Variants in OPRM1 observed in about 807,000 individuals in gnomAD.
OPRM1 encodes the protein opioid receptor mu 1, also known as mu-type opioid receptor.
In OPRM1, 27 loss-of-function variants were observed where a neutral mutation model predicts 31.8. The observed-to-expected ratio is 0.85, with a 90% CI of 0.63 to 1.17. The LOEUF (loss-of-function observed/expected upper bound fraction) is 1.17. Ranked by LOEUF, OPRM1 falls within the 50% of genes most tolerant of loss-of-function variation. The probability of loss-of-function intolerance (pLI) is 0.00; values close to 1 mark genes in which losing one functional copy is unlikely to be tolerated. For synonymous variants in OPRM1, 196 were observed against 189.9 expected, an observed-to-expected ratio of 1.03 and a Z score of -0.26; for missense variants, 536 against 511.1, an observed-to-expected ratio of 1.05 and a Z score of -0.47.
chr6:154,162,651 T>G (rs180769365), intron 3 of OPRM1, among the ~76,000 whole-genome samples: 99 of 152,314 alleles, frequency 6.5e-4, no homozygotes, highest in African/African-American at 2.2e-3. Flanking sequence ...TCACGCCACC[T>G]CTTCTCACTG....
rs374739553 is a variant in OPRM1 at position 154,110,886 on chromosome 6, CAAAAAAA to C, written c.1165-7780_1165-7774del. ...TGGGCGACAAAGCGAGACTCCGTCT[CAAAAAAA>C]AAAAAAAAAAAAAAAAGAGAGAATT... On this transcript the variant is annotated intron_variant, in intron 3 of 3. Coordinates refer to ENST00000330432, the MANE Select transcript of OPRM1 (RefSeq NM_000914.5). Among the ~76,000 whole-genome samples the C allele has an allele frequency of 2.0e-4, 13 of 63,606 alleles. No individual in the cohort carries two copies. The East Asian group carries it at 4.3e-3, about 21-fold the overall frequency. The allele number at this position is 63,606 out of a possible 152,430, so 41.7% of individuals were successfully genotyped here. A position where few individuals can be genotyped will look rare whatever the true frequency, so the allele number is the denominator to read the frequency against.
At chr6:154,011,629 A>G (rs995132060) in intron 1 of OPRM1, among the ~76,000 whole-genome samples, 2 of 152,174 alleles carry the variant, frequency 1.3e-5, no homozygotes, top group African/African-American at 4.8e-5. Context: ...AAAAGTAAAA[A>G]TTATTCCGAC....
At position 154,122,664 on chromosome 6, in the gene OPRM1, A is replaced by T. The variant is rs1374846610; in HGVS notation, c.*3943A>T. Among the ~76,000 whole-genome samples, 1 of 152,240 alleles carries T rather than the reference A, an allele frequency of 6.6e-6. No individual in the cohort carries two copies. On this transcript the variant is annotated 3_prime_UTR_variant, in exon 4 of 4. Coordinates refer to ENST00000330432, the MANE Select transcript of OPRM1 (RefSeq NM_000914.5). ...TTGTGTACATTACAAACTGCTCCAG[A>T]AACAAAACCAAATGTGGATAGCTTT... is the stretch of plus-strand genomic sequence containing the variant.
intron 3 of OPRM1, among the ~76,000 whole-genome samples, chr6:154,169,284 C>T (rs545841394): frequency 1.5e-4 from 23 of 152,258 alleles, no homozygotes; most frequent in African/African-American, 5.1e-4. Flanking sequence ...TCACTTGAGC[C>T]TGGGAGGTGG....
At chr6:154,214,470 T>G (rs544174465) in intron 3 of OPRM1, among the ~76,000 whole-genome samples, 12 of 152,210 alleles carry the variant, frequency 7.9e-5, no homozygotes, top group Non-Finnish European at 1.6e-4. Flanking sequence ...AAGGTATCTT[T>G]TGTAAGGTAA....
chr6:154,096,609 A>G (rs548687713), intron 3 of OPRM1, among the ~76,000 whole-genome samples: 5 of 152,194 alleles, frequency 3.3e-5, no homozygotes, highest in African/African-American at 4.8e-5. Flanking sequence ...CAGATTCAAA[A>G]GTGCTTTTAT....
At position 154,118,830 on chromosome 6, in the gene OPRM1, T is replaced by A; in HGVS notation, c.*109T>A. 1 of 1,537,384 alleles carries A rather than the reference T, an allele frequency of 6.5e-7. No individual in the cohort carries two copies. The highest frequency in any genetic ancestry group is 1.3e-5 in the South Asian group (1 of 79,858). The stretch of plus-strand genomic sequence containing the variant: ...GGCTCTAATTCTCTAGGAAAGTGCC[T>A]GCTTTTAGGTCATCCAACCTCTTTC... On this transcript the variant is annotated 3_prime_UTR_variant, in exon 4 of 4. Transcript: ENST00000330432.
chr6:154,031,329 G>A (rs1331629673), intron 1 of OPRM1, among the ~76,000 whole-genome samples: 1 of 151,736 alleles, frequency 6.6e-6, no homozygotes, highest in Non-Finnish European at 1.5e-5. Context: ...AAACCATGGA[G>A]TCTACACTAC....
intron 3 of OPRM1, among the ~76,000 whole-genome samples, chr6:154,150,547 A>G (rs9383692): frequency 0.54 from 82,003 of 152,104 alleles, 22,389 homozygotes; most frequent in Middle Eastern, 0.61. Context: ...TCCCTGCCTC[A>G]TGGGAACCCT....
At chr6:154,197,723 G>A (rs1776726686) in intron 3 of OPRM1, among the ~76,000 whole-genome samples, 1 of 152,164 alleles carries the variant, frequency 6.6e-6, no homozygotes, top group Non-Finnish European at 1.5e-5. Context: ...CTCTGGCTAT[G>A]GTCCTAAAAG....
At chr6:154,154,574 C>A (rs1409014850) in intron 3 of OPRM1, 1 of 152,170 alleles carries the variant, frequency 6.6e-6, no homozygotes, top group Non-Finnish European at 1.5e-5. Flanking sequence ...CCAGAGGGCA[C>A]TGTAACCTTG....
chr6:154,154,196 C>G (rs938361307), intron 3 of OPRM1, among the ~76,000 whole-genome samples: 2 of 152,166 alleles, frequency 1.3e-5, no homozygotes, highest in African/African-American at 2.4e-5. Context: ...TCCCTCTGAT[C>G]AGTGGATCCA....
chr6:154,232,502 T>C (rs1779801808), intron 3 of OPRM1, among the ~76,000 whole-genome samples: 1 of 152,140 alleles, frequency 6.6e-6, no homozygotes, highest in South Asian at 2.1e-4. Flanking sequence ...TATTATACCA[T>C]GGGAACCATC....
Position 154,090,117 on chromosome 6 carries a change from G to T in OPRM1, c.582G>T (p.Trp194Cys), listed in dbSNP as rs201858274. The T allele has an allele frequency of 3.7e-6, 6 of 1,613,948 alleles. No individual in the cohort carries two copies. The African/African-American group carries it at 4.0e-5, about 11-fold the overall frequency. The change falls in exon 2 of 4, where the codon TGG becomes TGT. Residue 194 changes from tryptophan (W) to cysteine (C), a missense_variant. Physicochemically the swap from Trp to Cys is radical, Grantham distance 215 (BLOSUM62 -2). Coordinates refer to ENST00000330432, the MANE Select transcript of OPRM1 (RefSeq NM_000914.5). ...CCAAAATTATCAATGTCTGCAACTGGATCCTCTCTTCAGCCATTGGTCTTC... is the reference window on the plus strand; with the variant it reads ...CCAAAATTATCAATGTCTGCAACTGTATCCTCTCTTCAGCCATTGGTCTTC... The part of the protein sequence containing the change: ...RNAKIINVCN[W>C]ILSSAIGLPV...
intron 3 of OPRM1, among the ~76,000 whole-genome samples, chr6:154,154,333 C>T (rs181910823): frequency 4.6e-5 from 7 of 152,180 alleles, no homozygotes; most frequent in South Asian, 2.1e-4. Flanking sequence ...TTTAAAAATT[C>T]TTTAAACAAA....
chr6:154,244,803 C>G (rs545892025), intron 3 of OPRM1, among the ~76,000 whole-genome samples: 1 of 152,172 alleles, frequency 6.6e-6, no homozygotes, highest in African/African-American at 2.4e-5. Flanking sequence ...ATTTGATTCC[C>G]GGAGAAGATG....
At chr6:154,164,600 C>T (rs1178320441) in intron 3 of OPRM1, among the ~76,000 whole-genome samples, 1 of 152,084 alleles carries the variant, frequency 6.6e-6, no homozygotes, top group African/African-American at 2.4e-5. Flanking sequence ...TCCAAAAATA[C>T]CATGAAAGAG....
intron 3 of OPRM1, among the ~76,000 whole-genome samples, chr6:154,231,735 G>A (rs1250847126): frequency 6.6e-6 from 1 of 152,198 alleles, no homozygotes; most frequent in Admixed American, 6.5e-5. Context: ...AGAAAAGGGG[G>A]AAGAAAGAGG....
intron 1 of OPRM1, among the ~76,000 whole-genome samples, chr6:154,040,591 T>C (rs1431851503): frequency 1.3e-5 from 2 of 152,148 alleles, no homozygotes; most frequent in Non-Finnish European, 2.9e-5. Flanking sequence ...GGTAGGTTGG[T>C]TCAGGAGAAC....
Sources: gnomAD v4.1 joint callset for allele counts (sites outside exome capture counted in the v4.1 genomes callset) on GRCh38, gnomAD v4.1.1 for gene constraint, MANE v1.5 for transcripts, NCBI Gene and HGNC (gene_info 2026-07-23, HGNC 2026-07-21) for gene names.